EBF4: variants seen among roughly 807,000 people sequenced by gnomAD.
EBF4 encodes the protein EBF transcription factor 4, also known as transcription factor COE4.
EBF4 carries 34 observed loss-of-function variants against 67.1 expected under a neutral mutation model. The observed-to-expected ratio is 0.51, with a 90% CI of 0.39 to 0.67. The LOEUF is 0.67. Among genes scored for constraint, EBF4 ranks in the 30% least tolerant of loss-of-function variants. The pLI, the probability that EBF4 is intolerant of heterozygous loss-of-function variation, is 0.00. For synonymous variants in EBF4, 387 were observed against 377.7 expected (o/e 1.02, Z -0.29); for missense variants, 837 against 873.3 (o/e 0.96, Z 0.52).
chr20:2,695,298 A>G (rs2087272502), intron 1 of EBF4, among the ~76,000 whole-genome samples: 1 of 152,132 alleles, frequency 6.6e-6, no homozygotes, highest in Non-Finnish European at 1.5e-5. Context: ...ACCCAGAGGC[A>G]GGTCTGATGA....
intron 6 of EBF4, among the ~76,000 whole-genome samples, chr20:2,710,544 T>C (rs1458709488): frequency 6.7e-6 from 1 of 149,558 alleles, no homozygotes; most frequent in South Asian, 2.1e-4. Context: ...TCCACCCCTA[T>C]GTAGAGCATA....
intron 6 of EBF4, among the ~76,000 whole-genome samples, chr20:2,729,750 C>T (rs1445738303): frequency 2.6e-5 from 4 of 152,202 alleles, no homozygotes; most frequent in African/African-American, 9.7e-5. Context: ...TCCGTTTTCA[C>T]ATCCTATTAC....
In EBF4 at chr20:2,706,013, C is replaced by G. The variant is rs762388110; in HGVS notation, c.334C>G (p.Arg112Gly). The change falls in exon 3 of 17, where the codon CGC (arginine) becomes GGC (glycine). Residue 112 changes from arginine to glycine, a missense_variant. Around this residue, in one of 3 missense-constraint regions of EBF4, gnomAD observed 226 missense variants for 306.5 expected, o/e 0.74. Transcript: ENST00000609451. ...AAAGACTAACAATGGGATCCATTAC[C>G]GCCTCCGGCTGGTGTATAACAATGG... 4.5e-6 allele frequency: 7 copies of G among 1,551,596 alleles called. No individual in the cohort carries two copies. The South Asian group carries it at 5.9e-5, about 13-fold the overall frequency.
intron 1 of EBF4, among the ~76,000 whole-genome samples, chr20:2,700,903 G>A (rs1169962302): frequency 1.3e-5 from 2 of 152,166 alleles, no homozygotes; most frequent in South Asian, 2.1e-4. Context: ...GCTGTTCCTC[G>A]TGTCCTTCTC....
chr20:2,740,802 C>G (rs962844711), intron 6 of EBF4, among the ~76,000 whole-genome samples: 1 of 152,064 alleles, frequency 6.6e-6, no homozygotes, highest in African/African-American at 2.4e-5. Context: ...ATGCAGAGGT[C>G]TGGAGTGTGA....
At position 2,747,330 on chromosome 20, in the gene EBF4, A is replaced by AAC. The variant is rs397947479; in HGVS notation, c.558-1219_558-1218insAC. 6.6e-6 allele frequency among the ~76,000 whole-genome samples: 1 copy of AAC among 151,312 alleles called. No individual in the cohort carries two copies. ...AAACAAAACAAACAAAAAAAAAAAA[A>AAC]CAGGAAAAAAAAGAGTACAACAGCC... On this transcript the variant is annotated intron_variant, in intron 6 of 16. Transcript: ENST00000609451. This position sits in a 1 kb window ranked among gnomAD's most constrained non-coding sequence, Gnocchi z 4.6.
At chr20:2,695,165 C>T (rs571265352) in intron 1 of EBF4, among the ~76,000 whole-genome samples, 1 of 151,626 alleles carries the variant, frequency 6.6e-6, no homozygotes, top group East Asian at 1.9e-4. Context: ...CTTAACATGG[C>T]CCCCTCTTTG....
intron 6 of EBF4, among the ~76,000 whole-genome samples, chr20:2,736,743 T>C (rs2087882800): frequency 6.6e-6 from 1 of 152,050 alleles, no homozygotes; most frequent in African/African-American, 2.4e-5. Context: ...TGAGAGCATT[T>C]GAGAGAGGGA....
At chr20:2,752,683 C>T (rs112922797) in intron 14 of EBF4, 138 bp downstream of exon 14, 1 of 734,800 alleles carries the variant, frequency 1.4e-6, no homozygotes, top group Non-Finnish European at 1.9e-6. Context: ...GGGGTCAGGC[C>T]CACCGTCCCC....
In EBF4 at chr20:2,756,103, G is replaced by T. The variant is rs1371537638; in HGVS notation, c.1738+279G>T. On this transcript the variant is annotated intron_variant, in intron 15 of 16. Transcript: ENST00000609451. The surrounding 1 kb of genome is among the most constrained non-coding windows in gnomAD (Gnocchi z 4.5). ...CTCAAATCACAGTTGATGAGGTCTA[G>T]AAACTACCCCAACACTCCATCCCCA... Among the ~76,000 whole-genome samples the T allele has an allele frequency of 6.6e-6, 1 of 152,208 alleles. No individual in the cohort carries two copies. The highest frequency in any genetic ancestry group is 1.5e-5 in the Non-Finnish European group (1 of 68,030).
chr20:2,735,249 A>G (rs2087862307), intron 6 of EBF4, among the ~76,000 whole-genome samples: 1 of 152,188 alleles, frequency 6.6e-6, no homozygotes, highest in African/African-American at 2.4e-5. Flanking sequence ...CTGACTGGGA[A>G]TACAGCTTGT....
rs989024091 is a variant in EBF4, at chr20:2,745,927, G to C, written c.558-2622G>C. Among the ~76,000 whole-genome samples, 1 of 152,178 alleles carries C rather than the reference G, an allele frequency of 6.6e-6. No homozygotes were observed. The highest frequency in any genetic ancestry group is 1.5e-5 in the Non-Finnish European group (1 of 68,030). ...CTTTTGGTGCAGTCCTATGCTTGTC[G>C]CATCTTCAGTGGTATCCAAAGGTGA... On this transcript the variant is annotated intron_variant, in intron 6 of 16. Coordinates refer to ENST00000609451, the Ensembl canonical transcript of EBF4. The surrounding 1 kb of genome is among the most constrained non-coding windows in gnomAD (Gnocchi z 5.2).
chr20:2,722,381 C>T (rs1431599234), intron 6 of EBF4, among the ~76,000 whole-genome samples: 1 of 152,088 alleles, frequency 6.6e-6, no homozygotes, highest in Admixed American at 6.5e-5. Context: ...TATGTGAGCA[C>T]CAAGTCATGC....
chr20:2,748,763 C>A, intron 7 of EBF4, 133 bp downstream of exon 7: 1 of 1,017,306 alleles, frequency 9.8e-7, no homozygotes, highest in Non-Finnish European at 1.4e-6. Context: ...CAGCCCTGTG[C>A]CTCCCCAGCC....
intron 6 of EBF4, among the ~76,000 whole-genome samples, chr20:2,740,712 C>T (rs1317672501): frequency 6.6e-6 from 1 of 152,018 alleles, no homozygotes; most frequent in African/African-American, 2.4e-5. Context: ...CAAAGGAGAG[C>T]TCTCAGGAGA....
rs111975616 is a variant in EBF4, at chr20:2,704,264, C to T, written c.138-1313C>T. Among the ~76,000 whole-genome samples the T allele has an allele frequency of 2.4e-3, 366 of 152,194 alleles. 1 individual carries two copies. The highest frequency in any genetic ancestry group is 8.2e-3 in the African/African-American group (340 of 41,552). On this transcript the variant is annotated intron_variant, in intron 1 of 16. Transcript: ENST00000609451. ...CATGCAGAGCACCAGCCCTAGCCAA[C>T]TCAAGCAGGGTACATTCCTGGAGGG...
chr20:2,699,760 T>A (rs1013304814), intron 1 of EBF4, among the ~76,000 whole-genome samples: 4 of 152,230 alleles, frequency 2.6e-5, no homozygotes, highest in Non-Finnish European at 4.4e-5. Context: ...GTTTCTGAAT[T>A]ATGGGTGCCA....
At chr20:2,729,822 A>C (rs1326765325) in intron 6 of EBF4, among the ~76,000 whole-genome samples, 2 of 152,206 alleles carry the variant, frequency 1.3e-5, no homozygotes, top group Non-Finnish European at 2.9e-5. Context: ...TAGAAGCAGA[A>C]CCTGAGGTGG....
Position 2,693,624 on chromosome 20 carries a change from C to G in EBF4, c.-22C>G. ...GGGACCGGATCCGGGGCGGCGGGGGCGCTCACTCACCGCGCGCCCTCATGT... is the reference window on the plus strand; with the variant it reads ...GGGACCGGATCCGGGGCGGCGGGGGGGCTCACTCACCGCGCGCCCTCATGT... On this transcript the variant is annotated 5_prime_UTR_variant, in exon 1 of 17. Coordinates refer to ENST00000609451, the Ensembl canonical transcript of EBF4. The surrounding 1 kb of genome is among the most constrained non-coding windows in gnomAD (Gnocchi z 4.6). The G allele has an allele frequency of 7.3e-7, 1 of 1,372,600 alleles. No homozygotes were observed. Among genetic ancestry groups the G allele is most frequent in the South Asian group, 1.7e-5 (1 of 59,992 alleles). The allele number at this position is 1,372,600 out of a possible 1,614,324, so 85.0% of individuals were successfully genotyped here.
Sources: allele counts gnomAD v4.1 joint callset (sites outside exome capture counted in the v4.1 genomes callset), GRCh38; gene constraint gnomAD v4.1.1; regional missense constraint gnomAD v4.1.1; non-coding constraint Gnocchi (gnomAD v3.1); transcripts MANE v1.5; gene names NCBI Gene and HGNC (gene_info 2026-07-23, HGNC 2026-07-21).